The following NDUFA12 variants were observed in gnomAD, a reference collection of about 807,000 sequenced individuals.
NDUFA12 encodes the protein NADH dehydrogenase [ubiquinone] 1 alpha subcomplex subunit 12.
Under a neutral mutation model 20.3 loss-of-function variants are expected in NDUFA12, and 17 were observed. The observed-to-expected ratio is 0.84, with a 90% CI of 0.57 to 1.26. The LOEUF is 1.26. NDUFA12 is among the 50% of genes most tolerant of loss of function. The pLI is 0.00. For missense variants in NDUFA12, 191 were observed against 183.7 expected (o/e 1.04, Z -0.23); for synonymous variants, 72 against 63.6 (o/e 1.13, Z -0.63).
intron 2 of NDUFA12, among the ~76,000 whole-genome samples, chr12:94,995,362 G>A (rs1289140125): frequency 6.6e-6 from 1 of 152,158 alleles, no homozygotes; most frequent in African/African-American, 2.4e-5. Flanking sequence ...CAGGCAGATG[G>A]AGGAGACCTT....
chr12:94,979,910 C>T (rs1337062747), intron 3 of NDUFA12, among the ~76,000 whole-genome samples: 6 of 152,002 alleles, frequency 3.9e-5, no homozygotes, highest in African/African-American at 1.2e-4. Context: ...ATGTGGATCA[C>T]TCTCCTTTGC....
chr12:95,000,144 C>T (rs1874972716), intron 2 of NDUFA12, among the ~76,000 whole-genome samples: 3 of 152,100 alleles, frequency 2.0e-5, no homozygotes, highest in Admixed American at 6.5e-5. Flanking sequence ...ACTACTCAGC[C>T]GTAAAACAGA....
chr12:94,978,539 G>A lies in NDUFA12; in HGVS notation c.258-6919C>T, dbSNP rs143625214. Among the ~76,000 whole-genome samples the A allele has an allele frequency of 3.7e-4, 57 of 152,202 alleles. No homozygotes were observed. In the East Asian group the frequency reaches 0.011, roughly 29 times the overall value. On this transcript the variant is annotated intron_variant, in intron 3 of 3. Coordinates refer to ENST00000327772, the MANE Select transcript of NDUFA12 (RefSeq NM_018838.5). The stretch of plus-strand genomic sequence containing the variant: ...TCTGCCTATGCACTGGGGATTTGAA[G>A]AATTGAAAAAACTCAAATATCAAAT...
Position 95,002,822 on chromosome 12 carries a change from C to T in NDUFA12, c.87-1G>A. On this transcript the variant is annotated splice_acceptor_variant, in intron 1 of 3. Coordinates refer to ENST00000327772, the MANE Select transcript of NDUFA12 (RefSeq NM_018838.5). LOFTEE classifies it high-confidence loss of function. Reference sequence around the variant, plus strand: ...TGTACCAACCTTCGCATCATTTGTCCTGTGAATACCCAAAAGAAAACAGAC... The same window carrying T: ...TGTACCAACCTTCGCATCATTTGTCTTGTGAATACCCAAAAGAAAACAGAC... The T allele has an allele frequency of 1.2e-6, 2 of 1,609,960 alleles. No homozygotes were observed. Among genetic ancestry groups the T allele is most frequent in the East Asian group, 2.2e-5 (1 of 44,824 alleles).
At position 94,994,163 on chromosome 12, in the gene NDUFA12, A is replaced by G. The variant is rs764019927; in HGVS notation, c.257+7T>C. 2 of 1,612,880 alleles carry G rather than the reference A, an allele frequency of 1.2e-6. No individual in the cohort carries two copies. The highest frequency in any genetic ancestry group is 2.2e-5 in the East Asian group (1 of 44,886). On this transcript the variant is annotated splice_region_variant and intron_variant, in intron 3 of 3. Transcript: ENST00000327772. The stretch of plus-strand genomic sequence containing the variant: ...AGAAAGACAAATAAAATGTTGTCTT[A>G]GCTTACCATTCAGGAGGCACCATGC...
intron 2 of NDUFA12, 94 bp from the exon 3 acceptor site, chr12:94,994,351 G>T (rs770093935): frequency 4.7e-5 from 43 of 907,508 alleles, no homozygotes; most frequent in Non-Finnish European, 6.5e-5. Context: ...ATTAAGAAAA[G>T]ACTTTTTGTG....
intron 3 of NDUFA12, among the ~76,000 whole-genome samples, chr12:94,972,966 G>A (rs1042403534): frequency 9.9e-5 from 15 of 151,832 alleles, no homozygotes; most frequent in Non-Finnish European, 1.9e-4. Flanking sequence ...TCACAAGACA[G>A]AGATGACCTT....
chr12:95,002,346 G>A (rs2136074548), intron 2 of NDUFA12, among the ~76,000 whole-genome samples: 1 of 147,588 alleles, frequency 6.8e-6, no homozygotes. Context: ...GCAGGCTGAG[G>A]CAGGAGAATC....
At position 94,994,239 on chromosome 12, in the gene NDUFA12, A is replaced by G. The variant is rs1052502953; in HGVS notation, c.188T>C (p.Val63Ala). The change falls in exon 3 of 4, where the codon GTA (valine) becomes GCA (alanine). Residue 63 changes from valine to alanine, a missense_variant. Physicochemically the swap from Val to Ala is moderately conservative, Grantham distance 64. Coordinates refer to ENST00000327772, the MANE Select transcript of NDUFA12 (RefSeq NM_018838.5). ...KQFFGRHRWV[V>A]YTTEMNGKNT... ...TTTGCCATTCATTTCAGTAGTATAT[A>G]CAACCCATCGGTGACGGCCTGGGTG... 3.1e-6 allele frequency: 5 copies of G among 1,614,254 alleles called. No homozygotes were observed. The highest frequency in any genetic ancestry group is 1.7e-6 in the Non-Finnish European group (2 of 1,180,032).
intron 3 of NDUFA12, among the ~76,000 whole-genome samples, chr12:94,981,084 A>G (rs571280106): frequency 6.6e-6 from 1 of 152,256 alleles, no homozygotes; most frequent in South Asian, 2.1e-4. Context: ...ATTGGCATTG[A>G]ACAAAATAAA....
chr12:94,990,515 T>C (rs1433567080), intron 3 of NDUFA12, among the ~76,000 whole-genome samples: 1 of 152,178 alleles, frequency 6.6e-6, no homozygotes, highest in African/African-American at 2.4e-5. Flanking sequence ...CTCAAACCCC[T>C]GGGCTGAAGG....
At chr12:94,994,695 C>T (rs921911421) in intron 2 of NDUFA12, among the ~76,000 whole-genome samples, 4 of 152,086 alleles carry the variant, frequency 2.6e-5, no homozygotes, top group Admixed American at 2.0e-4. Context: ...TTTTTAAAAC[C>T]ACCCTAGATC....
At chr12:95,000,737 T>C (rs1279902677) in intron 2 of NDUFA12, among the ~76,000 whole-genome samples, 2 of 152,340 alleles carry the variant, frequency 1.3e-5, no homozygotes, top group East Asian at 1.9e-4. Flanking sequence ...AAATTTAACA[T>C]GCACACAAAA....
chr12:94,990,387 C>T lies in NDUFA12; in HGVS notation c.257+3783G>A, dbSNP rs1874599045. 2.0e-5 allele frequency among the ~76,000 whole-genome samples: 3 copies of T among 152,086 alleles called. No individual in the cohort carries two copies. In the South Asian group the frequency reaches 6.2e-4, roughly 32 times the overall value. ...CCCCAAATGATGTAGCATGAGAAAG[C>T]TCCTAATCAGTGCTGCTTTCTCACG... On this transcript the variant is annotated intron_variant, in intron 3 of 3. Coordinates refer to ENST00000327772, the MANE Select transcript of NDUFA12 (RefSeq NM_018838.5).
chr12:94,982,211 T>C (rs1258295822), intron 3 of NDUFA12, among the ~76,000 whole-genome samples: 2 of 152,014 alleles, frequency 1.3e-5, no homozygotes, highest in Non-Finnish European at 1.5e-5. Flanking sequence ...CCTGGGAGTC[T>C]GTGCAGTTGT....
At chr12:95,002,880 C>T in intron 1 of NDUFA12, 59 bp from the exon 2 acceptor site, 2 of 1,471,864 alleles carry the variant, frequency 1.4e-6, no homozygotes, top group South Asian at 1.1e-5. Context: ...AAAACATAAA[C>T]GGAAATAAAG....
At chr12:94,981,218 C>A (rs1316503651) in intron 3 of NDUFA12, among the ~76,000 whole-genome samples, 3 of 152,072 alleles carry the variant, frequency 2.0e-5, no homozygotes, top group Non-Finnish European at 4.4e-5. Flanking sequence ...TAGCTTGAGC[C>A]CAGGAGTTTG....
At chr12:94,987,659 G>C (rs1466408490) in intron 3 of NDUFA12, among the ~76,000 whole-genome samples, 2 of 151,948 alleles carry the variant, frequency 1.3e-5, no homozygotes, top group Non-Finnish European at 2.9e-5. Flanking sequence ...AAATTCGCCA[G>C]GTGTAGTGGC....
At chr12:94,974,744 C>G (rs575277470) in intron 3 of NDUFA12, among the ~76,000 whole-genome samples, 5 of 152,054 alleles carry the variant, frequency 3.3e-5, no homozygotes, top group Non-Finnish European at 5.9e-5. Flanking sequence ...AAGCCAGGTA[C>G]AGAAAGACAA....
Sources: gnomAD v4.1 joint callset for allele counts (sites outside exome capture counted in the v4.1 genomes callset) on GRCh38, gnomAD v4.1.1 for gene constraint, MANE v1.5 for transcripts, NCBI Gene and HGNC (gene_info 2026-07-23, HGNC 2026-07-21) for gene names.